GABRB3: variants seen among roughly 807,000 people sequenced by gnomAD.
The protein encoded by GABRB3 is gamma-aminobutyric acid type A receptor subunit beta3, also known as gamma-aminobutyric acid receptor subunit beta-3.
In GABRB3, 14 loss-of-function variants were observed where a neutral mutation model predicts 52.1. The ratio of observed to expected loss-of-function variants is 0.27; its 90% CI spans 0.18 to 0.42. GABRB3 has a LOEUF of 0.42. Among genes scored for constraint, GABRB3 ranks in the 10% least tolerant of loss-of-function variants. The probability of loss-of-function intolerance (pLI) is 1.00; values close to 1 mark genes in which losing one functional copy is unlikely to be tolerated. For missense variants in GABRB3, 307 were observed against 609.1 expected (o/e 0.50, Z 5.22); for synonymous variants, 260 against 232.3 (o/e 1.12, Z -1.08).
intron 3 of GABRB3, among the ~76,000 whole-genome samples, chr15:26,710,034 G>C (rs1283881339): frequency 6.6e-6 from 1 of 152,118 alleles, no homozygotes; most frequent in Admixed American, 6.6e-5. Context: ...TGGAATCATA[G>C]GCTATGTAGT....
At chr15:26,750,577 T>C (rs1324933174) in intron 3 of GABRB3, among the ~76,000 whole-genome samples, 2 of 152,278 alleles carry the variant, frequency 1.3e-5, no homozygotes, top group Non-Finnish European at 1.5e-5. Flanking sequence ...TCGGGCAGAA[T>C]ACTCAGAGAC....
At chr15:26,625,939 A>G (rs1207637722) in intron 3 of GABRB3, among the ~76,000 whole-genome samples, 2 of 152,214 alleles carry the variant, frequency 1.3e-5, no homozygotes, top group African/African-American at 2.4e-5. Flanking sequence ...TATCTGTATC[A>G]TTAGATACAC....
At chr15:26,606,780 A>ATATC (rs1483873150) in intron 4 of GABRB3, among the ~76,000 whole-genome samples, 25 of 132,038 alleles carry the variant, frequency 1.9e-4, no homozygotes, top group African/African-American at 5.7e-4. Context: ...ATAGATAGAT[A>ATATC]GATATATCTA....
In GABRB3 at chr15:26,642,378, G is replaced by A. The variant is rs566948256; in HGVS notation, c.241-20844C>T. The A allele has an allele frequency of 1.0e-4, 85 of 848,442 alleles. No individual in the cohort carries two copies. In the African/African-American group the frequency reaches 1.3e-3, roughly 13 times the overall value. The allele number at this position is 848,442 out of a possible 1,614,324, so 52.6% of individuals were successfully genotyped here. On this transcript the variant is annotated intron_variant, in intron 3 of 8. Transcript: ENST00000311550. Reference sequence around the variant, plus strand: ...ACTTGGAGGTATGGGGGTGGTCCTGGAACCAATCCCCTGAATATACTGAGG... The same window carrying A: ...ACTTGGAGGTATGGGGGTGGTCCTGAAACCAATCCCCTGAATATACTGAGG...
intron 4 of GABRB3, chr15:26,615,107 G>A (rs1239039346): frequency 5.8e-6 from 1 of 171,994 alleles, no homozygotes; most frequent in African/African-American, 2.4e-5. Context: ...TGACATCCGA[G>A]GGCCAAGAGA....
At chr15:26,717,632 A>G (rs1287854440) in intron 3 of GABRB3, among the ~76,000 whole-genome samples, 2 of 152,070 alleles carry the variant, frequency 1.3e-5, no homozygotes, top group Non-Finnish European at 2.9e-5. Flanking sequence ...TGATAATTGG[A>G]TGGAATCTCT....
chr15:26,643,754 C>T (rs1487985548), intron 3 of GABRB3, among the ~76,000 whole-genome samples: 14 of 152,074 alleles, frequency 9.2e-5, no homozygotes, highest in Admixed American at 9.2e-4. Context: ...ATTTATTCAT[C>T]CAACAAACAC....
At chr15:26,604,046 T>C (rs1891683830) in intron 4 of GABRB3, among the ~76,000 whole-genome samples, 1 of 152,096 alleles carries the variant, frequency 6.6e-6, no homozygotes, top group Admixed American at 6.5e-5. Flanking sequence ...GAAAAAACTA[T>C]TTGTTTACTG....
chr15:26,575,860 T>C (rs975439696), intron 6 of GABRB3, among the ~76,000 whole-genome samples: 1 of 152,158 alleles, frequency 6.6e-6, no homozygotes, highest in Non-Finnish European at 1.5e-5. Flanking sequence ...ACTGTCCAAA[T>C]GTACCAAAGA....
intron 4 of GABRB3, among the ~76,000 whole-genome samples, chr15:26,587,593 C>T (rs754479176): frequency 2.6e-5 from 4 of 152,046 alleles, no homozygotes; most frequent in South Asian, 2.1e-4. Context: ...CAGAAATCAT[C>T]GAATGTGTGC....
chr15:26,607,945 C>T (rs1170450102), intron 4 of GABRB3, among the ~76,000 whole-genome samples: 1 of 151,726 alleles, frequency 6.6e-6, no homozygotes, highest in Non-Finnish European at 1.5e-5. Context: ...ATGTAGTTTT[C>T]CATAGAAACA....
intron 6 of GABRB3, among the ~76,000 whole-genome samples, chr15:26,576,431 A>T (rs1455222262): frequency 2.0e-5 from 3 of 152,190 alleles, no homozygotes; most frequent in African/African-American, 7.2e-5. Flanking sequence ...ATTAAATAAG[A>T]ATTACATATC....
At chr15:26,680,490 C>CTTGGTATAACAGTCAAGTTCTA (rs1888204719) in intron 3 of GABRB3, among the ~76,000 whole-genome samples, 1 of 151,326 alleles carries the variant, frequency 6.6e-6, no homozygotes, top group Admixed American at 6.6e-5. Flanking sequence ...ATTGACTCTT[C>CTTGGTATAACAGTCAAGTTCTA]TTGGTGTAAC....
chr15:26,593,390 G>A (rs989556300), intron 4 of GABRB3, among the ~76,000 whole-genome samples: 7 of 151,986 alleles, frequency 4.6e-5, no homozygotes, highest in East Asian at 3.9e-4. Context: ...ATTGGTGTGC[G>A]ACCAACACTA....
chr15:26,562,682 C>A (rs1890034241), intron 7 of GABRB3, among the ~76,000 whole-genome samples: 1 of 152,158 alleles, frequency 6.6e-6, no homozygotes, highest in Non-Finnish European at 1.5e-5. Context: ...CCTCTGTGTC[C>A]CACAGGGAGA....
intron 5 of GABRB3, among the ~76,000 whole-genome samples, chr15:26,581,779 C>T (rs1216385196): frequency 6.6e-6 from 1 of 152,214 alleles, no homozygotes; most frequent in East Asian, 1.9e-4. Flanking sequence ...ATCTCACAGG[C>T]AACCTCGCAA....
chr15:26,750,290 A>T (rs1047187824), intron 3 of GABRB3: 2 of 152,212 alleles, frequency 1.3e-5, no homozygotes, highest in Non-Finnish European at 2.9e-5. Flanking sequence ...TTAATTATCC[A>T]TTCAACCCAA....
chr15:26,769,372 C>T (rs1413962945), intron 3 of GABRB3, among the ~76,000 whole-genome samples: 2 of 152,190 alleles, frequency 1.3e-5, no homozygotes, highest in Non-Finnish European at 2.9e-5. Flanking sequence ...CGCTAATCCT[C>T]TATCTAAATT....
At chr15:26,734,614 C>G (rs566276507) in intron 3 of GABRB3, among the ~76,000 whole-genome samples, 1 of 148,224 alleles carries the variant, frequency 6.7e-6, no homozygotes, top group African/African-American at 2.5e-5. Context: ...CACTGCACTC[C>G]AGCCTGGGCA....
Sources: gnomAD v4.1 joint callset for allele counts (sites outside exome capture counted in the v4.1 genomes callset) on GRCh38, gnomAD v4.1.1 for gene constraint, MANE v1.5 for transcripts, NCBI Gene and HGNC (gene_info 2026-07-23, HGNC 2026-07-21) for gene names.